ADGRE3: variants seen among roughly 807,000 people sequenced by gnomAD.
The protein encoded by ADGRE3 is adhesion G protein-coupled receptor E3.
ADGRE3 carries 88 observed loss-of-function variants against 80.1 expected under a neutral mutation model. The ratio of observed to expected loss-of-function variants is 1.10; its 90% CI spans 0.93 to 1.31. The LOEUF (loss-of-function observed/expected upper bound fraction) is 1.31, where lower values mean the gene tolerates loss of function less well. ADGRE3 is among the 40% of genes most tolerant of loss of function. The pLI is 0.00. For missense variants in ADGRE3, 715 were observed against 776.5 expected, an observed-to-expected ratio of 0.92 and a Z score of 0.94; for synonymous variants, 281 against 294.8, an observed-to-expected ratio of 0.95 and a Z score of 0.48.
chr19:14,647,889 C>G (rs1362367628), intron 7 of ADGRE3, among the ~76,000 whole-genome samples: 2 of 151,196 alleles, frequency 1.3e-5, no homozygotes, highest in Non-Finnish European at 3.0e-5. Context: ...CAAGACCAGC[C>G]TGGTCAACAT....
rs536748467 is a variant in ADGRE3, at chr19:14,651,749, G to A, written c.578-545C>T. Reference sequence around the variant, plus strand: ...CAACAAGAGGTGATTGATTAAATAAGTGATGATATGGGCTGGGCACAGTGG... The same window carrying A: ...CAACAAGAGGTGATTGATTAAATAAATGATGATATGGGCTGGGCACAGTGG... On this transcript the variant is annotated intron_variant, in intron 6 of 15. Transcript: ENST00000253673. 2.6e-5 allele frequency among the ~76,000 whole-genome samples: 4 copies of A among 152,202 alleles called. No individual in the cohort carries two copies. In the East Asian group the frequency reaches 7.7e-4, roughly 29 times the overall value.
At chr19:14,626,402 A>T (rs1970740355) in intron 14 of ADGRE3, among the ~76,000 whole-genome samples, 1 of 152,154 alleles carries the variant, frequency 6.6e-6, no homozygotes, top group African/African-American at 2.4e-5. Context: ...ACGGCACTGC[A>T]CTCCAGCCTG....
At chr19:14,643,324 T>G (rs1253409991) in intron 9 of ADGRE3, among the ~76,000 whole-genome samples, 2 of 151,774 alleles carry the variant, frequency 1.3e-5, no homozygotes, top group African/African-American at 4.8e-5. Context: ...TTTTGTATTT[T>G]TAGTAGAGAT....
At chr19:14,614,037 T>C in the ADGRE3 span, among the ~76,000 whole-genome samples, 1 of 152,066 alleles carries the variant, frequency 6.6e-6, no homozygotes, top group African/African-American at 2.4e-5. Context: ...CAGGCTGGAG[T>C]GCAGTGGCAT....
intron 6 of ADGRE3, among the ~76,000 whole-genome samples, chr19:14,652,705 G>A (rs918785324): frequency 6.7e-6 from 1 of 149,372 alleles, no homozygotes; most frequent in Admixed American, 6.7e-5. Context: ...TTGAACCCAG[G>A]AGGCAGAGGT....
At chr19:14,672,306 A>G (rs1375183151) in intron 1 of ADGRE3, among the ~76,000 whole-genome samples, 1 of 152,240 alleles carries the variant, frequency 6.6e-6, no homozygotes, top group Non-Finnish European at 1.5e-5. Context: ...CAGAGTTCTA[A>G]GAAACTTTAG....
chr19:14,667,306 TCATGAATGTCTTCTTTTC>T (rs1432946210), intron 2 of ADGRE3, among the ~76,000 whole-genome samples: 1 of 152,008 alleles, frequency 6.6e-6, no homozygotes, highest in Non-Finnish European at 1.5e-5. Context: ...TCTACCTTGC[TCATGAATGTCTTCTTTTC>T]CATGAATGTC....
At chr19:14,644,973 G>A (rs951709633) in intron 8 of ADGRE3, among the ~76,000 whole-genome samples, 1 of 152,114 alleles carries the variant, frequency 6.6e-6, no homozygotes, top group Non-Finnish European at 1.5e-5. Context: ...CAATCCTCCT[G>A]CCTTGGCCTC....
intron 10 of ADGRE3, among the ~76,000 whole-genome samples, chr19:14,639,885 A>G (rs566007163): frequency 2.0e-5 from 3 of 152,252 alleles, no homozygotes; most frequent in Middle Eastern, 3.4e-3. Context: ...TATAGAATAT[A>G]TTGTTATTGA....
chr19:14,649,352 ATCTCTCTCCCCATCTCTCTTTCCATC>A (rs1401749359), intron 7 of ADGRE3, among the ~76,000 whole-genome samples: 4 of 69,908 alleles, frequency 5.7e-5, no homozygotes, highest in South Asian at 9.0e-4. Context: ...CTCTTTTTCC[ATCTCTCTCCCCATCTCTCTTTCCATC>A]TCTCTCTCCC....
intron 2 of ADGRE3, among the ~76,000 whole-genome samples, chr19:14,666,468 C>T (rs1972111327): frequency 1.3e-5 from 2 of 151,776 alleles, no homozygotes; most frequent in Admixed American, 6.6e-5. Flanking sequence ...CCTCCACCTC[C>T]TGGGTTCAAG....
intron 15 of ADGRE3, among the ~76,000 whole-genome samples, chr19:14,624,206 T>C (rs542459712): frequency 4.6e-5 from 7 of 152,138 alleles, no homozygotes; most frequent in Admixed American, 4.6e-4. Context: ...GCGATTCTTC[T>C]GCTTCAGCCT....
At chr19:14,668,995 G>T in intron 1 of ADGRE3, 143 bp from the exon 2 acceptor site, 1 of 728,392 alleles carries the variant, frequency 1.4e-6, no homozygotes, top group Non-Finnish European at 2.3e-6. Flanking sequence ...CATTTTTGTT[G>T]AGTATGGAGA....
chr19:14,605,693 A>G, the ADGRE3 span, among the ~76,000 whole-genome samples: 1 of 151,788 alleles, frequency 6.6e-6, no homozygotes, highest in African/African-American at 2.4e-5. Flanking sequence ...TTTCTTCCCT[A>G]TCTTTTATCT....
chr19:14,653,049 C>T (rs1177026902), intron 6 of ADGRE3, among the ~76,000 whole-genome samples: 1 of 151,930 alleles, frequency 6.6e-6, no homozygotes, highest in Non-Finnish European at 1.5e-5. Context: ...GTGGCTTGCT[C>T]TCAGCTAACT....
rs1169075414 is a variant in ADGRE3 at position 14,636,012 on chromosome 19, TCTTCCTTCCTTCCTTCCTTC to T, written c.1484+2073_1484+2092del. 4.9e-3 allele frequency among the ~76,000 whole-genome samples: 485 copies of T among 99,246 alleles called. 36 individuals carry two copies. Among genetic ancestry groups the T allele is most frequent in the Middle Eastern group, 0.02 (4 of 196 alleles). The allele number at this position is 99,246 out of a possible 152,430, so 65.1% of individuals were successfully genotyped here. ...TCCTTTCTCTCTCTTTCTCTTTCTT[TCTTCCTTCCTTCCTTCCTTC>T]CTTCCTTCCTTCCTTCCTTCCTTCC... On this transcript the variant is annotated intron_variant, in intron 11 of 15. Transcript: ENST00000253673.
downstream of ADGRE3, among the ~76,000 whole-genome samples, chr19:14,617,341 C>CCTTTCTTTTTCTTTCTTT: frequency 1.7e-5 from 1 of 57,264 alleles, no homozygotes; most frequent in South Asian, 7.3e-4. Flanking sequence ...TCCCTCCCTC[C>CCTTTCTTTTTCTTTCTTT]CTTTCTTTCT....
chr19:14,661,738 G>A (rs1971948419), intron 4 of ADGRE3, among the ~76,000 whole-genome samples: 1 of 152,064 alleles, frequency 6.6e-6, no homozygotes, highest in South Asian at 2.1e-4. Context: ...TGAGGAGCGT[G>A]GATCAAGAAA....
At chr19:14,656,375 G>GAAAA (rs78369860) in intron 5 of ADGRE3, among the ~76,000 whole-genome samples, 5 of 130,634 alleles carry the variant, frequency 3.8e-5, no homozygotes, top group Non-Finnish European at 3.1e-5. Flanking sequence ...AAAAAGAAAA[G>GAAAA]AAAAAAAAAA....
Sources: allele counts gnomAD v4.1 joint callset (sites outside exome capture counted in the v4.1 genomes callset), GRCh38; gene constraint gnomAD v4.1.1; transcripts MANE v1.5; gene names NCBI Gene and HGNC (gene_info 2026-07-23, HGNC 2026-07-21).